The following STAC variants were observed in gnomAD, a reference collection of about 807,000 sequenced individuals.
STAC encodes the protein SH3 and cysteine-rich domain-containing protein.
In STAC, 43 loss-of-function variants were observed where a neutral mutation model predicts 48.8. The observed-to-expected ratio is 0.88, with a 90% CI of 0.69 to 1.14. STAC has a LOEUF of 1.14. STAC is among the 50% of genes most tolerant of loss of function. The pLI is 0.00. For synonymous variants in STAC, 193 were observed against 179.5 expected (o/e 1.07, Z -0.60); for missense variants, 497 against 504.0 (o/e 0.99, Z 0.13).
At chr3:36,383,195 G>T (rs528199073) in intron 1 of STAC, among the ~76,000 whole-genome samples, 2 of 152,114 alleles carry the variant, frequency 1.3e-5, no homozygotes, top group Non-Finnish European at 2.9e-5. Flanking sequence ...ATAGTTGAGC[G>T]AGAACAATAG....
At chr3:36,412,515 C>A (rs2885140) in intron 1 of STAC, among the ~76,000 whole-genome samples, 3 of 151,852 alleles carry the variant, frequency 2.0e-5, no homozygotes, top group African/African-American at 7.3e-5. Context: ...GGAAAGAAAG[C>A]CTTTCGGGGG....
chr3:36,504,768 C>T lies in STAC; in HGVS notation c.831+311C>T, dbSNP rs139010291. Among the ~76,000 whole-genome samples the T allele has an allele frequency of 3.7e-3, 569 of 151,920 alleles. 2 individuals carry two copies. Among genetic ancestry groups the T allele is most frequent in the Non-Finnish European group, 5.7e-3 (389 of 67,964 alleles). On this transcript the variant is annotated intron_variant, in intron 7 of 10. Coordinates refer to ENST00000273183, the MANE Select transcript of STAC (RefSeq NM_003149.3). ...TCATATTTTATGTTCATTTACATAT[C>T]TAAAATTTAGACAAACTAGAATAAT...
At chr3:36,539,490 A>C (rs1235731588) in intron 10 of STAC, among the ~76,000 whole-genome samples, 1 of 152,136 alleles carries the variant, frequency 6.6e-6, no homozygotes, top group Admixed American at 6.6e-5. Context: ...TTAGTTTGCT[A>C]AGGACAATGG....
chr3:36,436,378 T>G (rs1341935904), intron 1 of STAC, among the ~76,000 whole-genome samples: 1 of 152,124 alleles, frequency 6.6e-6, no homozygotes, highest in Non-Finnish European at 1.5e-5. Flanking sequence ...ACTTCCCTGT[T>G]CAAAACCATC....
chr3:36,420,476 G>A lies in STAC; in HGVS notation c.112-22888G>A, dbSNP rs77341695. ...GGCTACACAGCAGGAGGTGAGTGGCGGGCTAGTGAGCATTACCGCCTGAGC... is the reference window on the plus strand; with the variant it reads ...GGCTACACAGCAGGAGGTGAGTGGCAGGCTAGTGAGCATTACCGCCTGAGC... On this transcript the variant is annotated intron_variant, in intron 1 of 10. Transcript: ENST00000273183. Among the ~76,000 whole-genome samples the A allele has an allele frequency of 4.0e-3, 608 of 152,236 alleles. 5 individuals carry two copies. The highest frequency in any genetic ancestry group is 0.013 in the African/African-American group (528 of 41,528).
chr3:36,412,397 A>G (rs553678175), intron 1 of STAC, among the ~76,000 whole-genome samples: 159 of 152,334 alleles, frequency 1.0e-3, no homozygotes, highest in Middle Eastern at 0.01. Context: ...AGCTGTAAGG[A>G]AAGCTGGATA....
chr3:36,492,020 AAAAAAAAAAAAATATAT>A (rs1460862644), intron 5 of STAC, among the ~76,000 whole-genome samples: 7 of 39,300 alleles, frequency 1.8e-4, no homozygotes, highest in Admixed American at 3.9e-4. Context: ...AAAAAAAAAA[AAAAAAAAAAAAATATAT>A]ATATATATAT....
intron 1 of STAC, among the ~76,000 whole-genome samples, chr3:36,410,723 T>A (rs1051327048): frequency 2.6e-5 from 4 of 152,262 alleles, no homozygotes; most frequent in Non-Finnish European, 5.9e-5. Flanking sequence ...TGGTAACATA[T>A]TGATGTATTC....
chr3:36,466,556 T>G (rs1697177823), intron 2 of STAC, among the ~76,000 whole-genome samples: 1 of 152,198 alleles, frequency 6.6e-6, no homozygotes, highest in South Asian at 2.1e-4. Context: ...TTCCATTTGT[T>G]TGTGTCATCT....
At chr3:36,427,455 T>C (rs1303856426) in intron 1 of STAC, among the ~76,000 whole-genome samples, 1 of 152,180 alleles carries the variant, frequency 6.6e-6, no homozygotes, top group African/African-American at 2.4e-5. Flanking sequence ...CCCCAAAGTG[T>C]CTACAGGCTG....
intron 1 of STAC, among the ~76,000 whole-genome samples, chr3:36,393,910 T>G (rs1450844938): frequency 2.6e-5 from 4 of 152,042 alleles, no homozygotes; most frequent in African/African-American, 9.7e-5. Context: ...AAGTAAGTTT[T>G]GTTTCAGAAA....
intron 2 of STAC, among the ~76,000 whole-genome samples, chr3:36,469,817 T>A (rs751433473): frequency 6.6e-6 from 1 of 152,158 alleles, no homozygotes; most frequent in African/African-American, 2.4e-5. Flanking sequence ...GAAAGCCTTG[T>A]CTTCAAGCTC....
chr3:36,475,982 C>G (rs1261693403), intron 2 of STAC, among the ~76,000 whole-genome samples: 2 of 152,208 alleles, frequency 1.3e-5, no homozygotes, highest in Non-Finnish European at 2.9e-5. Context: ...GGCTAGCCAG[C>G]TGGAAGCCCA....
chr3:36,480,837 A>T (rs1697626951), intron 2 of STAC, among the ~76,000 whole-genome samples: 1 of 152,214 alleles, frequency 6.6e-6, no homozygotes, highest in Non-Finnish European at 1.5e-5. Flanking sequence ...AAATGTTTTC[A>T]TCAGGCATCA....
chr3:36,451,083 TTC>T (rs1338407341), intron 2 of STAC, among the ~76,000 whole-genome samples: 1 of 151,588 alleles, frequency 6.6e-6, no homozygotes, highest in Non-Finnish European at 1.5e-5. Flanking sequence ...TTGGCTTTCC[TTC>T]TGTCTTATGA....
chr3:36,471,752 G>A (rs1160853799), intron 2 of STAC, among the ~76,000 whole-genome samples: 1 of 152,230 alleles, frequency 6.6e-6, no homozygotes, highest in Non-Finnish European at 1.5e-5. Flanking sequence ...GCTGATGCAA[G>A]AGGTGGGTTC....
chr3:36,527,848 CAT>C (rs1491080229), intron 8 of STAC, among the ~76,000 whole-genome samples: 11 of 152,272 alleles, frequency 7.2e-5, no homozygotes, highest in African/African-American at 2.6e-4. Flanking sequence ...CACACACACA[CAT>C]GCACACATAC....
At chr3:36,421,838 T>C (rs1700458753) in intron 1 of STAC, among the ~76,000 whole-genome samples, 1 of 152,094 alleles carries the variant, frequency 6.6e-6, no homozygotes, top group African/African-American at 2.4e-5. Context: ...TATGCCATTA[T>C]ATTACTGGTT....
intron 1 of STAC, among the ~76,000 whole-genome samples, chr3:36,398,551 AAG>A (rs1170603213): frequency 2.6e-5 from 1 of 38,168 alleles, no homozygotes. Flanking sequence ...GGTAAAGAGA[AAG>A]AGAGAGGGAA....
Sources: allele counts gnomAD v4.1 joint callset (sites outside exome capture counted in the v4.1 genomes callset), GRCh38; gene constraint gnomAD v4.1.1; transcripts MANE v1.5; gene names NCBI Gene and HGNC (gene_info 2026-07-23, HGNC 2026-07-21).